Variants in PCDHA2 observed in about 807,000 individuals in gnomAD.
The protein encoded by PCDHA2 is protocadherin alpha-2.
A neutral mutation model predicts 66.0 loss-of-function variants in PCDHA2; 58 were observed. That is an observed-to-expected ratio of 0.88 (90% CI 0.71 to 1.09). PCDHA2 has a LOEUF of 1.09. Among genes scored for constraint, PCDHA2 ranks in the 50% least tolerant of loss-of-function variants. The probability of loss-of-function intolerance (pLI) is 0.00; values close to 1 mark genes in which losing one functional copy is unlikely to be tolerated. For synonymous variants in PCDHA2, 634 were observed against 554.0 expected, an observed-to-expected ratio of 1.14 and a Z score of -2.03; for missense variants, 1,267 against 1,242.3, an observed-to-expected ratio of 1.02 and a Z score of -0.30.
chr5:140,972,854 G>A (rs895738831), intron 1 of PCDHA2, among the ~76,000 whole-genome samples: 4 of 151,946 alleles, frequency 2.6e-5, no homozygotes, highest in Non-Finnish European at 4.4e-5. Flanking sequence ...AGTAGAGATG[G>A]GGTTTCATCA....
At chr5:140,857,110 G>C in intron 1 of PCDHA2, 1 of 1,597,820 alleles carries the variant, frequency 6.3e-7, no homozygotes. Flanking sequence ...TCACTTCTCT[G>C]TCTCTCCCAG....
At position 140,796,785 on chromosome 5, in the gene PCDHA2, T is replaced by G. The variant is rs1762137081; in HGVS notation, c.1821T>G (p.Leu607=). ...VDADSGYNAW[L]SYELQLGTGS... ...CTGACTCAGGCTACAACGCGTGGCTTTCGTACGAGCTTCAGCTGGGTACTG... is the reference window on the plus strand; with the variant it reads ...CTGACTCAGGCTACAACGCGTGGCTGTCGTACGAGCTTCAGCTGGGTACTG... Residue 607 remains leucine, a synonymous_variant, in exon 1 of 4, where the codon CTT becomes CTG. Coordinates refer to ENST00000526136, the MANE Select transcript of PCDHA2 (RefSeq NM_018905.3). 2 of 1,613,970 alleles carry G rather than the reference T, an allele frequency of 1.2e-6. No individual in the cohort carries two copies. The highest frequency in any genetic ancestry group is 1.7e-6 in the Non-Finnish European group (2 of 1,179,960).
chr5:140,877,700 G>A, intron 1 of PCDHA2: 1 of 1,613,996 alleles, frequency 6.2e-7, no homozygotes, highest in Non-Finnish European at 8.5e-7. Flanking sequence ...GTGTGCTCCA[G>A]CGCCGTGGGG....
chr5:140,827,752 C>T (rs1357431971), intron 1 of PCDHA2, among the ~76,000 whole-genome samples: 2 of 152,200 alleles, frequency 1.3e-5, no homozygotes, highest in African/African-American at 2.4e-5. Context: ...AGATCCCTTA[C>T]TTTAAATTAA....
chr5:140,940,450 A>G (rs1279490375), intron 1 of PCDHA2, among the ~76,000 whole-genome samples: 1 of 151,884 alleles, frequency 6.6e-6, no homozygotes, highest in Non-Finnish European at 1.5e-5. Flanking sequence ...GATATTTTTT[A>G]TAGGTTTCTG....
In PCDHA2 at chr5:140,871,470, G is replaced by A. The variant is rs782433204; in HGVS notation, c.2388+74118G>A. ...AAGAGGAGGAAGGGGAAAGACAGGAGCCAGGGTCAAATCACCCCGGACAGG... is the reference window on the plus strand; with the variant it reads ...AAGAGGAGGAAGGGGAAAGACAGGAACCAGGGTCAAATCACCCCGGACAGG... On this transcript the variant is annotated intron_variant, in intron 1 of 3. Coordinates refer to ENST00000526136, the MANE Select transcript of PCDHA2 (RefSeq NM_018905.3). The A allele has an allele frequency of 3.1e-6, 5 of 1,601,030 alleles. No individual in the cohort carries two copies. In the South Asian group the frequency reaches 4.5e-5, roughly 14 times the overall value.
At chr5:140,988,698 A>G (rs1563551697) in intron 3 of PCDHA2, among the ~76,000 whole-genome samples, 1 of 152,116 alleles carries the variant, frequency 6.6e-6, no homozygotes, top group East Asian at 1.9e-4. Context: ...GACGCTCTGT[A>G]TTTTCTTGGA....
At chr5:140,883,208 A>C in intron 1 of PCDHA2, 3 of 1,614,034 alleles carry the variant, frequency 1.9e-6, no homozygotes, top group Non-Finnish European at 1.7e-6. Context: ...CGAAGAAAAG[A>C]AATTATATGA....
chr5:140,899,584 G>A (rs2153464513), intron 1 of PCDHA2, among the ~76,000 whole-genome samples: 1 of 152,292 alleles, frequency 6.6e-6, no homozygotes, highest in African/African-American at 2.4e-5. Flanking sequence ...CGGTTTGCCA[G>A]TATTTTATTG....
chr5:140,872,595 C>T (rs1048527578), intron 1 of PCDHA2, among the ~76,000 whole-genome samples: 1 of 152,102 alleles, frequency 6.6e-6, no homozygotes, highest in African/African-American at 2.4e-5. Context: ...AGACCCCCAT[C>T]TGAAAAAATA....
intron 1 of PCDHA2, chr5:140,823,085 C>G: frequency 6.2e-7 from 1 of 1,613,970 alleles, no homozygotes; most frequent in South Asian, 1.1e-5. Flanking sequence ...CTGTGGGCCA[C>G]CGCCAGCGTG....
intron 1 of PCDHA2, chr5:140,883,514 G>C (rs2059648914): frequency 1.2e-6 from 2 of 1,614,220 alleles, no homozygotes; most frequent in Non-Finnish European, 1.7e-6. Context: ...CCTGGACCGC[G>C]AGAGCGTATC....
chr5:140,928,944 A>G (rs782627710), intron 1 of PCDHA2: 1 of 1,614,070 alleles, frequency 6.2e-7, no homozygotes, highest in South Asian at 1.1e-5. Context: ...ACTTGTATTT[A>G]GTAATTGCCT....
intron 3 of PCDHA2, among the ~76,000 whole-genome samples, chr5:141,002,620 A>G (rs553505520): frequency 6.8e-4 from 104 of 152,336 alleles, no homozygotes; most frequent in African/African-American, 2.4e-3. Flanking sequence ...CACATAACAC[A>G]GACAGAGATA....
chr5:140,862,656 C>T, intron 1 of PCDHA2: 1 of 545,296 alleles, frequency 1.8e-6, no homozygotes, highest in Admixed American at 1.9e-5. Flanking sequence ...CCGCGCGGGA[C>T]CGGGACGCGC....
intron 1 of PCDHA2, chr5:140,802,591 A>T: frequency 6.2e-7 from 1 of 1,613,828 alleles, no homozygotes; most frequent in Non-Finnish European, 8.5e-7. Flanking sequence ...GTGTTCGTGA[A>T]GGAGAACAAC....
At chr5:140,897,591 T>C (rs542451957) in intron 1 of PCDHA2, among the ~76,000 whole-genome samples, 1 of 152,312 alleles carries the variant, frequency 6.6e-6, no homozygotes, top group African/African-American at 2.4e-5. Flanking sequence ...TCTGTCATTG[T>C]TGGACATTTG....
chr5:140,901,575 C>T (rs1554189900), intron 1 of PCDHA2, among the ~76,000 whole-genome samples: 1 of 152,030 alleles, frequency 6.6e-6, no homozygotes, highest in African/African-American at 2.4e-5. Context: ...GTTTTTATGC[C>T]AGTGCCATGA....
intron 1 of PCDHA2, chr5:140,863,555 T>A (rs2153224638): frequency 2.6e-6 from 1 of 378,382 alleles, no homozygotes; most frequent in East Asian, 6.5e-5. Flanking sequence ...CAATAGGAAA[T>A]TTTTGAGAAT....
Sources: gnomAD v4.1 joint callset for allele counts (sites outside exome capture counted in the v4.1 genomes callset) on GRCh38, gnomAD v4.1.1 for gene constraint, MANE v1.5 for transcripts, NCBI Gene and HGNC (gene_info 2026-07-23, HGNC 2026-07-21) for gene names.